The following TNKS variants were observed in gnomAD, a reference collection of about 807,000 sequenced individuals.
TNKS encodes tankyrase.
TNKS carries 72 observed loss-of-function variants against 135.8 expected under a neutral mutation model. The observed-to-expected ratio is 0.53, with a 90% CI of 0.44 to 0.64. The LOEUF (loss-of-function observed/expected upper bound fraction) is 0.64, where lower values mean the gene tolerates loss of function less well. Ranked by LOEUF, TNKS falls within the 30% of genes least tolerant of loss-of-function variation. TNKS has a pLI of 0.00. For missense variants in TNKS, 1,769 were observed against 1,674.0 expected, an observed-to-expected ratio of 1.06 and a Z score of -0.99; for synonymous variants, 849 against 649.3, an observed-to-expected ratio of 1.31 and a Z score of -4.68.
chr8:9,600,900 T>G (rs571023357), intron 2 of TNKS, among the ~76,000 whole-genome samples: 2 of 152,346 alleles, frequency 1.3e-5, no homozygotes, highest in South Asian at 4.1e-4. Context: ...AGAATCTAAA[T>G]TAATAGATTT....
intron 3 of TNKS, among the ~76,000 whole-genome samples, chr8:9,638,495 T>C (rs1800601480): frequency 6.6e-6 from 1 of 152,224 alleles, no homozygotes. Flanking sequence ...TACATGTGTA[T>C]ACATACATTT....
intron 25 of TNKS, among the ~76,000 whole-genome samples, chr8:9,769,739 C>T (rs757857821): frequency 6.6e-6 from 1 of 151,466 alleles, no homozygotes; most frequent in Non-Finnish European, 1.5e-5. Flanking sequence ...CCTGCCTCAG[C>T]CTCCCAAGTA....
intron 20 of TNKS, among the ~76,000 whole-genome samples, chr8:9,753,755 A>T (rs1165496142): frequency 6.6e-6 from 1 of 152,196 alleles, no homozygotes; most frequent in Non-Finnish European, 1.5e-5. Context: ...ATATCTTGTT[A>T]CAATTTGGGA....
At chr8:9,566,772 C>A (rs1797561225) in intron 1 of TNKS, among the ~76,000 whole-genome samples, 2 of 151,298 alleles carry the variant, frequency 1.3e-5, no homozygotes, top group Admixed American at 1.3e-4. Context: ...CCGCGCCCGG[C>A]TAATTTTTTG....
At chr8:9,696,807 C>G (rs1346669384) in intron 5 of TNKS, among the ~76,000 whole-genome samples, 1 of 152,074 alleles carries the variant, frequency 6.6e-6, no homozygotes, top group African/African-American at 2.4e-5. Context: ...AGAGATGATA[C>G]AAACAAATGG....
chr8:9,570,949 A>G (rs1797732426), intron 1 of TNKS, among the ~76,000 whole-genome samples: 1 of 152,228 alleles, frequency 6.6e-6, no homozygotes, highest in Non-Finnish European at 1.5e-5. Context: ...AGCCTGGGCA[A>G]TAGAGTAAGA....
intron 5 of TNKS, among the ~76,000 whole-genome samples, chr8:9,691,623 G>C: frequency 6.6e-6 from 1 of 152,148 alleles, no homozygotes; most frequent in Non-Finnish European, 1.5e-5. Flanking sequence ...CTGTTCCTTA[G>C]TTCCCTCATT....
intron 3 of TNKS, among the ~76,000 whole-genome samples, chr8:9,648,651 A>G (rs1801012887): frequency 6.6e-6 from 1 of 152,314 alleles, no homozygotes; most frequent in East Asian, 1.9e-4. Context: ...CATCACTACA[A>G]ACGTGAGTAA....
intron 5 of TNKS, among the ~76,000 whole-genome samples, chr8:9,686,036 G>A (rs551816995): frequency 9.1e-4 from 138 of 152,162 alleles, no homozygotes; most frequent in African/African-American, 3.0e-3. Context: ...TCAATAAACC[G>A]TCCCTTTTAT....
At chr8:9,558,422 G>A (rs1797179073) in intron 1 of TNKS, 1 of 152,080 alleles carries the variant, frequency 6.6e-6, no homozygotes, top group Non-Finnish European at 1.5e-5. Flanking sequence ...CTAAATGAAA[G>A]GCCTAAGTCT....
chr8:9,563,611 T>C (rs188620006), intron 1 of TNKS, among the ~76,000 whole-genome samples: 1 of 152,318 alleles, frequency 6.6e-6, no homozygotes, highest in African/African-American at 2.4e-5. Context: ...GTTCTTTCTT[T>C]TGTAGTCCTT....
At chr8:9,679,867 T>A in intron 3 of TNKS, 84 bp from the exon 4 acceptor site, 4 of 1,147,438 alleles carry the variant, frequency 3.5e-6, no homozygotes, top group Non-Finnish European at 5.3e-6. Flanking sequence ...TTCTTCTCTA[T>A]TTAATTCTCT....
chr8:9,747,213 T>C (rs1365581782), intron 17 of TNKS, among the ~76,000 whole-genome samples: 3 of 152,130 alleles, frequency 2.0e-5, no homozygotes, highest in African/African-American at 7.2e-5. Context: ...TCAATTTCTT[T>C]TAATAGTTCT....
chr8:9,623,598 A>G (rs77680486), intron 3 of TNKS, among the ~76,000 whole-genome samples: 13,144 of 152,270 alleles, frequency 0.086, 605 homozygotes, highest in South Asian at 0.18. Context: ...AATGGTGCCA[A>G]TAGACTTGCT....
intron 26 of TNKS, chr8:9,772,494 A>C (rs1807970381): frequency 1.1e-5 from 5 of 447,588 alleles, no homozygotes; most frequent in South Asian, 8.0e-5. Flanking sequence ...CAAAAATGTT[A>C]ATATTATAAA....
chr8:9,558,047 G>A (rs1166966013), intron 1 of TNKS: 1 of 152,202 alleles, frequency 6.6e-6, no homozygotes, highest in African/African-American at 2.4e-5. Context: ...ATGCAAGAGA[G>A]TAGCTTTCAC....
At chr8:9,659,414 T>A (rs954228747) in intron 3 of TNKS, among the ~76,000 whole-genome samples, 13 of 152,092 alleles carry the variant, frequency 8.5e-5, no homozygotes, top group Non-Finnish European at 1.6e-4. Flanking sequence ...TCAAACTAGA[T>A]CTCAGGATTA....
At chr8:9,717,068 TTATAATA>T (rs1804639002) in intron 11 of TNKS, among the ~76,000 whole-genome samples, 1 of 86,308 alleles carries the variant, frequency 1.2e-5, no homozygotes, top group Admixed American at 1.6e-4. Context: ...ATCTGTTGTA[TTATAATA>T]TATATATATA....
intron 3 of TNKS, among the ~76,000 whole-genome samples, chr8:9,619,068 C>T (rs564121949): frequency 1.3e-5 from 2 of 152,234 alleles, no homozygotes; most frequent in African/African-American, 4.8e-5. Context: ...CTTTATTCTT[C>T]CCTGTGAATT....
Sources: allele counts gnomAD v4.1 joint callset (sites outside exome capture counted in the v4.1 genomes callset), GRCh38; gene constraint gnomAD v4.1.1; transcripts MANE v1.5; gene names NCBI Gene and HGNC (gene_info 2026-07-23, HGNC 2026-07-21).